The following PARD3 variants were observed in gnomAD, a reference collection of about 807,000 sequenced individuals.
The protein encoded by PARD3 is par-3 family cell polarity regulator, also known as partitioning defective 3 homolog.
Under a neutral mutation model 155.4 loss-of-function variants are expected in PARD3, and 75 were observed. That is an observed-to-expected ratio of 0.48 (90% CI 0.40 to 0.58). The LOEUF is 0.58. PARD3 is among the 20% of genes least tolerant of loss of function. The pLI, the probability that PARD3 is intolerant of heterozygous loss-of-function variation, is 0.00. For synonymous variants in PARD3, 576 were observed against 610.5 expected, an observed-to-expected ratio of 0.94 and a Z score of 0.83; for missense variants, 1,642 against 1,721.7, an observed-to-expected ratio of 0.95 and a Z score of 0.82.
At chr10:34,276,551 A>G (rs1382483599) in intron 21 of PARD3, among the ~76,000 whole-genome samples, 3 of 152,188 alleles carry the variant, frequency 2.0e-5, no homozygotes, top group Admixed American at 6.6e-5. Flanking sequence ...TGCTTTTACA[A>G]TAAATGGCTT....
chr10:34,193,643 C>T (rs1262928339), intron 22 of PARD3, among the ~76,000 whole-genome samples: 1 of 152,162 alleles, frequency 6.6e-6, no homozygotes, highest in Non-Finnish European at 1.5e-5. Flanking sequence ...AAACCTATTT[C>T]TTTTAGCAAT....
rs572335488 is a variant in PARD3 at position 34,534,524 on chromosome 10, G to A, written c.223-17365C>T. ...GCTCTCAGTGCCTCAGTTTCTGTTC[G>A]TCTAATAAATGAAGAGGGCTACAAT... is the stretch of plus-strand genomic sequence containing the variant. On this transcript the variant is annotated intron_variant, in intron 2 of 24. Coordinates refer to ENST00000374788, the MANE Select transcript of PARD3 (RefSeq NM_001184785.2). 5.0e-4 allele frequency among the ~76,000 whole-genome samples: 76 copies of A among 152,224 alleles called. 2 individuals carry two copies. Among genetic ancestry groups the A allele is most frequent in the African/African-American group, 1.5e-3 (61 of 41,542 alleles).
At chr10:34,115,450 T>TA (rs1564403420) in intron 24 of PARD3, among the ~76,000 whole-genome samples, 1 of 152,076 alleles carries the variant, frequency 6.6e-6, no homozygotes, top group Admixed American at 6.6e-5. Flanking sequence ...ATTTAGGAAT[T>TA]AAAAAAAGAT....
At chr10:34,806,022 C>A (rs1843338438) in intron 1 of PARD3, among the ~76,000 whole-genome samples, 1 of 151,472 alleles carries the variant, frequency 6.6e-6, no homozygotes, top group Non-Finnish European at 1.5e-5. Flanking sequence ...CTGAAGGACA[C>A]CCTAGACAAA....
intron 11 of PARD3, among the ~76,000 whole-genome samples, chr10:34,373,387 G>A (rs1840894301): frequency 6.6e-6 from 1 of 151,978 alleles, no homozygotes; most frequent in Non-Finnish European, 1.5e-5. Context: ...ACCTTAAGCT[G>A]GCTATATGCT....
chr10:34,632,188 G>A (rs928091342), intron 2 of PARD3, among the ~76,000 whole-genome samples: 5 of 152,212 alleles, frequency 3.3e-5, no homozygotes, highest in African/African-American at 1.2e-4. Flanking sequence ...GGACCCAAGA[G>A]GCGGAGATTG....
At chr10:34,154,047 A>T (rs1948890801) in intron 22 of PARD3, among the ~76,000 whole-genome samples, 1 of 152,224 alleles carries the variant, frequency 6.6e-6, no homozygotes, top group South Asian at 2.1e-4. Flanking sequence ...CCTTGGGTGT[A>T]AATTTTGGTT....
chr10:34,700,608 G>C (rs1229237354), intron 1 of PARD3, among the ~76,000 whole-genome samples: 2 of 152,076 alleles, frequency 1.3e-5, no homozygotes, highest in African/African-American at 4.8e-5. Context: ...AAAAAAATTT[G>C]AGTATTTACT....
chr10:34,187,146 G>T (rs1950526260), intron 22 of PARD3, among the ~76,000 whole-genome samples: 1 of 152,102 alleles, frequency 6.6e-6, no homozygotes, highest in Non-Finnish European at 1.5e-5. Context: ...GGGGTACATG[G>T]GGGTAGAGAG....
At chr10:34,554,448 T>C (rs540363653) in intron 2 of PARD3, among the ~76,000 whole-genome samples, 1 of 152,344 alleles carries the variant, frequency 6.6e-6, no homozygotes, top group African/African-American at 2.4e-5. Context: ...TAGCTTAAGA[T>C]CTTTCTTTGT....
chr10:34,411,732 CTAGA>C (rs3040339), intron 5 of PARD3, among the ~76,000 whole-genome samples: 62,096 of 147,954 alleles, frequency 0.42, 13,064 homozygotes, highest in East Asian at 0.49. Context: ...ACATACATAT[CTAGA>C]TAGATAGATA....
chr10:34,419,894 G>C (rs552239024), intron 5 of PARD3, among the ~76,000 whole-genome samples: 18 of 152,224 alleles, frequency 1.2e-4, no homozygotes, highest in African/African-American at 3.9e-4. Context: ...TTAACAACAT[G>C]ACTTGCAAAT....
intron 2 of PARD3, among the ~76,000 whole-genome samples, chr10:34,672,131 A>G (rs2093621416): frequency 6.6e-6 from 1 of 152,026 alleles, no homozygotes; most frequent in African/African-American, 2.4e-5. Flanking sequence ...TGACGCTACT[A>G]CACTCCAGCC....
chr10:34,471,765 G>A (rs1324442414), intron 3 of PARD3, among the ~76,000 whole-genome samples: 1 of 152,174 alleles, frequency 6.6e-6, no homozygotes, highest in Admixed American at 6.5e-5. Flanking sequence ...CACCATGTTA[G>A]CCAGGCTGGT....
chr10:34,662,309 A>G (rs1192905028), intron 2 of PARD3, among the ~76,000 whole-genome samples: 2 of 152,222 alleles, frequency 1.3e-5, no homozygotes, highest in Admixed American at 6.5e-5. Flanking sequence ...GTTGGTAGGA[A>G]TGTAAATTAG....
At chr10:34,243,704 C>T (rs1349826103) in intron 22 of PARD3, among the ~76,000 whole-genome samples, 2 of 152,002 alleles carry the variant, frequency 1.3e-5, no homozygotes, top group Admixed American at 6.6e-5. Context: ...GGTGTGTCGG[C>T]GCGCACTGAG....
intron 22 of PARD3, among the ~76,000 whole-genome samples, chr10:34,214,170 G>A (rs957958519): frequency 6.6e-6 from 1 of 152,276 alleles, no homozygotes; most frequent in East Asian, 1.9e-4. Flanking sequence ...CAAGCACTGG[G>A]ATTACAGGTG....
intron 3 of PARD3, among the ~76,000 whole-genome samples, chr10:34,501,320 C>T (rs913824782): frequency 2.0e-5 from 3 of 152,116 alleles, no homozygotes; most frequent in African/African-American, 7.2e-5. Flanking sequence ...TGGCACCCCC[C>T]TCTGCCCGAC....
At chr10:34,460,569 C>G (rs7075443) in intron 4 of PARD3, among the ~76,000 whole-genome samples, 11,437 of 152,168 alleles carry the variant, frequency 0.075, 1,320 homozygotes, top group African/African-American at 0.25. Context: ...CGCGGGGGCT[C>G]ACACCTGTAA....
Sources: gnomAD v4.1 joint callset for allele counts (sites outside exome capture counted in the v4.1 genomes callset) on GRCh38, gnomAD v4.1.1 for gene constraint, MANE v1.5 for transcripts, NCBI Gene and HGNC (gene_info 2026-07-23, HGNC 2026-07-21) for gene names.